The following FSTL5 variants were observed in gnomAD, a reference collection of about 807,000 sequenced individuals.
The protein encoded by FSTL5 is follistatin like 5, also known as follistatin-related protein 5.
In FSTL5, 62 loss-of-function variants were observed where a neutral mutation model predicts 89.1. That is an observed-to-expected ratio of 0.70 (90% CI 0.57 to 0.86). The LOEUF is 0.86. Ranked by LOEUF, FSTL5 falls within the 40% of genes least tolerant of loss-of-function variation. The pLI is 0.00. For missense variants in FSTL5, 1,057 were observed against 1,001.6 expected, an observed-to-expected ratio of 1.06 and a Z score of -0.75; for synonymous variants, 383 against 346.2, an observed-to-expected ratio of 1.11 and a Z score of -1.18.
intron 15 of FSTL5, among the ~76,000 whole-genome samples, chr4:161,398,910 A>T (rs1352308270): frequency 6.6e-6 from 1 of 152,126 alleles, no homozygotes; most frequent in African/African-American, 2.4e-5. Flanking sequence ...GAAACATTTT[A>T]AGCAATTTAA....
chr4:161,747,515 T>A (rs1486156711), intron 6 of FSTL5, among the ~76,000 whole-genome samples: 2 of 152,196 alleles, frequency 1.3e-5, no homozygotes, highest in African/African-American at 4.8e-5. Context: ...TCTTGCAAAG[T>A]TCTCTAGACG....
chr4:161,630,802 C>T, intron 7 of FSTL5, among the ~76,000 whole-genome samples: 1 of 152,164 alleles, frequency 6.6e-6, no homozygotes, highest in East Asian at 1.9e-4. Context: ...TTCTTTGAGT[C>T]ACATGGCCCC....
intron 10 of FSTL5, among the ~76,000 whole-genome samples, chr4:161,522,191 T>G (rs955952202): frequency 6.6e-6 from 1 of 152,098 alleles, no homozygotes; most frequent in Non-Finnish European, 1.5e-5. Flanking sequence ...GCAGCTGCAG[T>G]TATTGGCACA....
chr4:161,459,839 C>G (rs146552014), intron 13 of FSTL5, among the ~76,000 whole-genome samples: 2,814 of 151,988 alleles, frequency 0.019, 107 homozygotes, highest in African/African-American at 0.064. Flanking sequence ...GAATGATCAG[C>G]TAGTTAAGTT....
At chr4:161,882,768 G>T (rs984759800) in intron 4 of FSTL5, among the ~76,000 whole-genome samples, 4 of 151,962 alleles carry the variant, frequency 2.6e-5, no homozygotes, top group Non-Finnish European at 5.9e-5. Context: ...ATTTACAGTG[G>T]AATAATTATT....
intron 3 of FSTL5, among the ~76,000 whole-genome samples, chr4:161,926,738 A>G (rs1464026529): frequency 6.6e-6 from 1 of 151,850 alleles, no homozygotes; most frequent in Admixed American, 6.6e-5. Context: ...TCTAATTATT[A>G]ATTTTTCCTT....
Position 161,465,875 on chromosome 4 carries a change from C to T in FSTL5, c.1609-6556G>A, listed in dbSNP as rs185425957. ...GATATTGAGATTATTAATTTACAATCCCTCTTCTGCAGTTTTATTGAATTA... is the reference window on the plus strand; with the variant it reads ...GATATTGAGATTATTAATTTACAATTCCTCTTCTGCAGTTTTATTGAATTA... On this transcript the variant is annotated intron_variant, in intron 13 of 15. Transcript: ENST00000306100. Among the ~76,000 whole-genome samples the T allele has an allele frequency of 8.4e-3, 1,286 of 152,234 alleles. 17 individuals are homozygous for T. The highest frequency in any genetic ancestry group is 0.03 in the African/African-American group (1,242 of 41,524).
intron 4 of FSTL5, among the ~76,000 whole-genome samples, chr4:161,869,731 C>A (rs995608825): frequency 6.6e-6 from 1 of 152,194 alleles, no homozygotes; most frequent in African/African-American, 2.4e-5. Context: ...TGTTGAGAAA[C>A]CTTGGCCTAA....
At position 161,444,335 on chromosome 4, in the gene FSTL5, A is replaced by AT. The variant is rs1412961531; in HGVS notation, c.1841+10668dup. On this transcript the variant is annotated intron_variant, in intron 15 of 15. Transcript: ENST00000306100. ...GCAGGGACTACTGACACAACACTAT[A>AT]TTTTTTCTCTCTCCCTTCTGAAATC... 1.3e-4 allele frequency among the ~76,000 whole-genome samples: 19 copies of AT among 151,896 alleles called. No homozygotes were observed. The South Asian group carries it at 1.7e-3, about 13-fold the overall frequency.
At chr4:161,730,976 A>C (rs1446812125) in intron 6 of FSTL5, among the ~76,000 whole-genome samples, 1 of 152,254 alleles carries the variant, frequency 6.6e-6, no homozygotes, top group Non-Finnish European at 1.5e-5. Context: ...AAGGCAATAA[A>C]TATAAATCTA....
At chr4:161,490,085 A>G (rs1001433280) in intron 12 of FSTL5, among the ~76,000 whole-genome samples, 1 of 152,124 alleles carries the variant, frequency 6.6e-6, no homozygotes, top group African/African-American at 2.4e-5. Flanking sequence ...ATTAAAAGAC[A>G]TTTTATATGA....
intron 6 of FSTL5, among the ~76,000 whole-genome samples, chr4:161,703,011 G>C (rs952324668): frequency 1.3e-5 from 2 of 152,028 alleles, no homozygotes; most frequent in African/African-American, 4.8e-5. Flanking sequence ...GTCCTTATAA[G>C]AGGAGGAGAT....
intron 4 of FSTL5, among the ~76,000 whole-genome samples, chr4:161,831,219 T>G (rs1730834781): frequency 6.6e-6 from 1 of 151,996 alleles, no homozygotes; most frequent in Admixed American, 6.6e-5. Context: ...GTTGTATACC[T>G]TAAATATATG....
At chr4:162,086,393 T>C (rs1005327618) in intron 2 of FSTL5, among the ~76,000 whole-genome samples, 3 of 151,758 alleles carry the variant, frequency 2.0e-5, no homozygotes, top group African/African-American at 7.2e-5. Flanking sequence ...ACTTCAATTT[T>C]GATAATAAAC....
intron 3 of FSTL5, among the ~76,000 whole-genome samples, chr4:162,025,357 G>A (rs1389219989): frequency 1.3e-5 from 2 of 151,820 alleles, no homozygotes; most frequent in East Asian, 3.9e-4. Context: ...TGATTTTTTT[G>A]CATTTTACTC....
intron 6 of FSTL5, among the ~76,000 whole-genome samples, chr4:161,683,275 T>C (rs1349553975): frequency 6.6e-6 from 1 of 150,640 alleles, no homozygotes; most frequent in Non-Finnish European, 1.5e-5. Flanking sequence ...TAGGAATTTT[T>C]TGGCTCCATG....
In FSTL5 at chr4:161,883,873, C is replaced by CA. The variant is rs1482399592; in HGVS notation, c.409+36530dup. Among the ~76,000 whole-genome samples the CA allele has an allele frequency of 2.6e-5, 4 of 152,092 alleles. No individual in the cohort carries two copies. The East Asian group carries it at 5.8e-4, about 22-fold the overall frequency. On this transcript the variant is annotated intron_variant, in intron 4 of 15. Coordinates refer to ENST00000306100, the MANE Select transcript of FSTL5 (RefSeq NM_020116.5). ...AGGATACATTATTCTATGTTCTTTA[C>CA]AAAAAGTCATTTCCTCAACTCTTTG...
chr4:161,876,459 C>T (rs928702227), intron 4 of FSTL5, among the ~76,000 whole-genome samples: 1 of 152,170 alleles, frequency 6.6e-6, no homozygotes, highest in African/African-American at 2.4e-5. Flanking sequence ...CACTTTTGGA[C>T]AGCTATTCAT....
At chr4:161,619,136 T>C (rs898507310) in intron 7 of FSTL5, among the ~76,000 whole-genome samples, 1 of 152,170 alleles carries the variant, frequency 6.6e-6, no homozygotes, top group African/African-American at 2.4e-5. Flanking sequence ...TGGCTAGCCA[T>C]ATGTAGAAAG....
Sources: gnomAD v4.1 joint callset for allele counts (sites outside exome capture counted in the v4.1 genomes callset) on GRCh38, gnomAD v4.1.1 for gene constraint, MANE v1.5 for transcripts, NCBI Gene and HGNC (gene_info 2026-07-23, HGNC 2026-07-21) for gene names.